The following OTOGL variants were observed in gnomAD, a reference collection of about 807,000 sequenced individuals.
OTOGL encodes otogelin-like protein.
OTOGL carries 285 observed loss-of-function variants against 318.5 expected under a neutral mutation model. That is an observed-to-expected ratio of 0.89 (90% confidence interval 0.81 to 0.99). The LOEUF (loss-of-function observed/expected upper bound fraction) is 0.99, where lower values mean the gene tolerates loss of function less well. Ranked by LOEUF, OTOGL falls within the 50% of genes least tolerant of loss-of-function variation. OTOGL has a pLI of 0.00. For missense variants in OTOGL, 2,899 were observed against 2,845.6 expected (o/e 1.02, Z -0.43); for synonymous variants, 987 against 936.5 (o/e 1.05, Z -0.99).
At chr12:80,288,859 T>C (rs952801532) in intron 26 of OTOGL, among the ~76,000 whole-genome samples, 3 of 152,060 alleles carry the variant, frequency 2.0e-5, no homozygotes, top group African/African-American at 7.2e-5. Context: ...CTTTTAGCTC[T>C]GAAGAGTTTG....
intron 1 of OTOGL, among the ~76,000 whole-genome samples, chr12:80,121,345 T>C (rs951030277): frequency 3.9e-5 from 6 of 152,188 alleles, no homozygotes; most frequent in Non-Finnish European, 8.8e-5. Flanking sequence ...AAAGGCTACC[T>C]TTCAAGCAGA....
intron 53 of OTOGL, 98 bp from the exon 54 acceptor site, chr12:80,367,463 A>G (rs1890613466): frequency 2.1e-6 from 2 of 936,252 alleles, no homozygotes; most frequent in South Asian, 4.6e-5. Flanking sequence ...AAATTGGCAC[A>G]TCGCAATGAA....
intron 45 of OTOGL, among the ~76,000 whole-genome samples, chr12:80,352,702 G>A (rs1303058334): frequency 1.3e-5 from 2 of 151,998 alleles, no homozygotes; most frequent in South Asian, 2.1e-4. Flanking sequence ...CTGATTCATC[G>A]GGAATGTGTG....
intron 28 of OTOGL, 85 bp downstream of exon 28, chr12:80,302,868 GT>G: frequency 8.4e-7 from 1 of 1,187,568 alleles, no homozygotes; most frequent in Non-Finnish European, 1.1e-6. Flanking sequence ...AATGATTAAT[GT>G]TTTCCTTTAA....
intron 42 of OTOGL, 128 bp downstream of exon 42, chr12:80,337,132 A>G (rs1888463718): frequency 1.5e-6 from 1 of 687,994 alleles, no homozygotes; most frequent in Non-Finnish European, 2.4e-6. Context: ...TAATCATTTC[A>G]TAGACAATAT....
intron 11 of OTOGL, among the ~76,000 whole-genome samples, chr12:80,246,908 AG>A (rs1272970487): frequency 1.7e-3 from 63 of 36,188 alleles, no homozygotes; most frequent in Admixed American, 3.0e-3. Flanking sequence ...GTATGTGTCG[AG>A]GAATGTATCC....
intron 22 of OTOGL, among the ~76,000 whole-genome samples, chr12:80,267,885 G>A (rs1347481213): frequency 6.6e-6 from 1 of 151,818 alleles, no homozygotes. Context: ...ACAGTGAAAT[G>A]AAAGTCCTTT....
intron 52 of OTOGL, among the ~76,000 whole-genome samples, chr12:80,365,263 G>T (rs1592762015): frequency 6.6e-6 from 1 of 152,232 alleles, no homozygotes; most frequent in South Asian, 2.1e-4. Context: ...AAGTGATTTT[G>T]TTGCAGACTT....
chr12:80,320,300 T>C, intron 33 of OTOGL, 122 bp from the exon 34 acceptor site: 1 of 839,428 alleles, frequency 1.2e-6, no homozygotes, highest in Non-Finnish European at 1.7e-6. Context: ...TCTTAGTTAT[T>C]GGCACTAATT....
intron 21 of OTOGL, 81 bp downstream of exon 21, chr12:80,266,697 T>A: frequency 7.4e-7 from 1 of 1,353,896 alleles, no homozygotes; most frequent in Non-Finnish European, 1.0e-6. Flanking sequence ...TCATGGAAGT[T>A]TTTGAAAAAA....
intron 17 of OTOGL, 79 bp from the exon 18 acceptor site, chr12:80,257,746 G>A: frequency 1.6e-6 from 2 of 1,251,066 alleles, no homozygotes; most frequent in South Asian, 3.3e-5. Context: ...GGGGAAGAGA[G>A]TCCTGGTGGT....
intron 21 of OTOGL, among the ~76,000 whole-genome samples, chr12:80,267,043 T>A (rs1220598694): frequency 6.6e-6 from 1 of 152,222 alleles, no homozygotes; most frequent in Non-Finnish European, 1.5e-5. Flanking sequence ...TTGTGAGTTG[T>A]ATTTTAGAAA....
At chr12:80,177,143 G>C (rs1874581385) in intron 1 of OTOGL, among the ~76,000 whole-genome samples, 1 of 151,938 alleles carries the variant, frequency 6.6e-6, no homozygotes, top group Non-Finnish European at 1.5e-5. Flanking sequence ...ATTAAAATTT[G>C]ATGAAATAAA....
At chr12:80,139,150 A>G (rs776620394) in intron 1 of OTOGL, among the ~76,000 whole-genome samples, 3 of 152,138 alleles carry the variant, frequency 2.0e-5, no homozygotes, top group Non-Finnish European at 4.4e-5. Context: ...GGTGAGGAGG[A>G]TGGCATAAAG....
At chr12:80,100,885 G>C (rs1452767026) in intron 1 of OTOGL, among the ~76,000 whole-genome samples, 1 of 151,908 alleles carries the variant, frequency 6.6e-6, no homozygotes, top group East Asian at 1.9e-4. Flanking sequence ...CATTTCAAAT[G>C]GAGAAAATGC....
At chr12:80,174,946 A>AAACTGAGT (rs1555273646) in intron 1 of OTOGL, among the ~76,000 whole-genome samples, 2 of 152,142 alleles carry the variant, frequency 1.3e-5, no homozygotes, top group Non-Finnish European at 2.9e-5. Context: ...AACAAAAAAA[A>AAACTGAGT]ACTGAGTAAA....
rs1275453267 is a variant in OTOGL, at chr12:80,378,244, A to G, written c.*196A>G. The G allele has an allele frequency of 4.1e-6, 2 of 483,470 alleles. No individual in the cohort carries two copies. Among genetic ancestry groups the G allele is most frequent in the African/African-American group, 1.9e-5 (1 of 51,656 alleles). 29.9% of individuals were successfully genotyped at this position (483,470 alleles called of 1,614,324 possible). On this transcript the variant is annotated 3_prime_UTR_variant, in exon 59 of 59. Transcript: ENST00000547103. ...AAAATTAAATTTATTGCTTTACTCT[A>G]TTTTAGAAAATCAAATGACTGTAAG...
intron 46 of OTOGL, among the ~76,000 whole-genome samples, chr12:80,355,225 T>C (rs998532420): frequency 2.8e-5 from 1 of 36,110 alleles, no homozygotes; most frequent in Admixed American, 3.0e-4. Flanking sequence ...TCTTTCTTTC[T>C]TTTCTTTTTT....
At chr12:80,187,249 T>C (rs372114145) in intron 1 of OTOGL, among the ~76,000 whole-genome samples, 1 of 151,414 alleles carries the variant, frequency 6.6e-6, no homozygotes, top group South Asian at 2.1e-4. Flanking sequence ...CTTAGGCAAG[T>C]GGCCAGGTTG....
Sources: gnomAD v4.1 joint callset for allele counts (sites outside exome capture counted in the v4.1 genomes callset) on GRCh38, gnomAD v4.1.1 for gene constraint, MANE v1.5 for transcripts, NCBI Gene and HGNC (gene_info 2026-07-23, HGNC 2026-07-21) for gene names.